The following OR7E24 variants were observed in gnomAD, a reference collection of about 807,000 sequenced individuals.
OR7E24 encodes the protein olfactory receptor family 7 subfamily E member 24.
For synonymous variants in OR7E24, 130 were observed against 157.5 expected (o/e 0.83, Z 1.31); for missense variants, 385 against 410.3 (o/e 0.94, Z 0.53).
At chr19:9,247,222 A>G (rs2066132911), upstream of OR7E24, 2 of 357,762 alleles carry the variant, frequency 5.6e-6, no homozygotes, top group Non-Finnish European at 1.0e-5. Context: ...CTCTGTTAAT[A>G]TGGGGCAGTC....
the OR7E24 span, chr19:9,214,263 G>T: frequency 2.5e-6 from 4 of 1,614,160 alleles, no homozygotes; most frequent in Non-Finnish European, 1.7e-6. Context: ...ATTGAGGAGG[G>T]TGTTAGAGCA....
the OR7E24 span, among the ~76,000 whole-genome samples, chr19:9,234,031 G>A: frequency 4.6e-5 from 7 of 151,864 alleles, no homozygotes; most frequent in African/African-American, 1.7e-4. Context: ...AGCCTCCCAA[G>A]TAGCTGGGAC....
the OR7E24 span, among the ~76,000 whole-genome samples, chr19:9,216,285 G>A: frequency 6.6e-6 from 1 of 152,146 alleles, no homozygotes; most frequent in Non-Finnish European, 1.5e-5. Context: ...CCTGGTTCAT[G>A]TTCTTCTGAT....
At chr19:9,214,370 G>A in the OR7E24 span, 33 of 1,614,090 alleles carry the variant, frequency 2.0e-5, no homozygotes, top group Non-Finnish European at 2.8e-5. Context: ...TATGAACCAG[G>A]GAGAACCAGA....
the OR7E24 span, among the ~76,000 whole-genome samples, chr19:9,218,910 A>G: frequency 6.6e-6 from 1 of 152,118 alleles, no homozygotes; most frequent in Non-Finnish European, 1.5e-5. Flanking sequence ...CTGGGATTAT[A>G]GATGTGAGCC....
At chr19:9,216,743 C>G in the OR7E24 span, among the ~76,000 whole-genome samples, 6 of 152,188 alleles carry the variant, frequency 3.9e-5, no homozygotes, top group Non-Finnish European at 7.4e-5. Context: ...AGGCATGCAC[C>G]ACCATGCCCA....
chr19:9,235,556 C>T, the OR7E24 span: 218 of 1,555,890 alleles, frequency 1.4e-4, no homozygotes, highest in Middle Eastern at 1.7e-4. Flanking sequence ...ATCATAAACC[C>T]CCATCTCTGT....
the OR7E24 span, among the ~76,000 whole-genome samples, chr19:9,218,062 T>C: frequency 6.6e-6 from 1 of 152,242 alleles, no homozygotes; most frequent in Admixed American, 6.5e-5. Flanking sequence ...GGTCAACTTA[T>C]ATTTAGTTTT....
chr19:9,245,495 T>C (rs1200434970), upstream of OR7E24, among the ~76,000 whole-genome samples: 1 of 152,136 alleles, frequency 6.6e-6, no homozygotes, highest in East Asian at 1.9e-4. Flanking sequence ...CATATGATGG[T>C]TCCTCATAAA....
the OR7E24 span, among the ~76,000 whole-genome samples, chr19:9,224,949 A>G: frequency 6.6e-6 from 1 of 152,180 alleles, no homozygotes; most frequent in East Asian, 1.9e-4. Flanking sequence ...CTTTCTCTCA[A>G]TTTTCACAAT....
At chr19:9,212,046 G>A in the OR7E24 span, 1 of 151,960 alleles carries the variant, frequency 6.6e-6, no homozygotes, top group Non-Finnish European at 1.5e-5. Flanking sequence ...CTTTAAAAAT[G>A]TTTTAAAACA....
At chr19:9,212,473 A>C in the OR7E24 span, 40 of 152,302 alleles carry the variant, frequency 2.6e-4, 2 homozygotes, top group African/African-American at 9.1e-4. Context: ...ATACCATCAA[A>C]ATGATAATAT....
upstream of OR7E24, among the ~76,000 whole-genome samples, chr19:9,249,549 G>A (rs577757118): frequency 1.3e-5 from 2 of 152,292 alleles, no homozygotes; most frequent in South Asian, 4.1e-4. Context: ...TAAAAAAAGA[G>A]AAAAGGATGC....
chr19:9,245,752 A>G (rs143328250), upstream of OR7E24, among the ~76,000 whole-genome samples: 2 of 152,322 alleles, frequency 1.3e-5, no homozygotes, highest in Non-Finnish European at 2.9e-5. Flanking sequence ...ATCTATTCCT[A>G]TACATTAGTT....
chr19:9,224,719 C>T, the OR7E24 span, among the ~76,000 whole-genome samples: 6 of 151,562 alleles, frequency 4.0e-5, no homozygotes, highest in Non-Finnish European at 8.8e-5. Context: ...GAGCCAGAAT[C>T]GTGCCACTGC....
At chr19:9,208,837 A>C in the OR7E24 span, 3 of 152,004 alleles carry the variant, frequency 2.0e-5, no homozygotes, top group Admixed American at 1.3e-4. Context: ...GACTACAGGC[A>C]CACACCACCA....
the OR7E24 span, chr19:9,212,910 G>A: frequency 1.3e-5 from 2 of 152,118 alleles, no homozygotes; most frequent in Non-Finnish European, 2.9e-5. Context: ...GAGCCACTGT[G>A]CCCCGAAAAT....
the OR7E24 span, among the ~76,000 whole-genome samples, chr19:9,215,082 C>T: frequency 5.3e-5 from 8 of 152,084 alleles, no homozygotes; most frequent in Admixed American, 1.3e-4. Context: ...TGGTGGCTCA[C>T]GCCTGTAATC....
chr19:9,251,262 CCA>C lies in OR7E24; in HGVS notation c.211_212del (p.Thr71ProfsTer13). On this transcript the variant is annotated frameshift_variant, in exon 2 of 2. Transcript: ENST00000641946. LOFTEE classifies it low-confidence loss of function (END_TRUNC). ...TGGCTGTCAGCTCTGACTCCCACCT[CCA>C]CACCCCCATGTACTTCTTCCTCTCC... 1 of 1,614,012 alleles carries C rather than the reference CCA, an allele frequency of 6.2e-7. No individual in the cohort carries two copies. The highest frequency in any genetic ancestry group is 8.5e-7 in the Non-Finnish European group (1 of 1,179,964).
Sources: allele counts gnomAD v4.1 joint callset (sites outside exome capture counted in the v4.1 genomes callset), GRCh38; gene constraint gnomAD v4.1.1; transcripts MANE v1.5; gene names NCBI Gene and HGNC (gene_info 2026-07-23, HGNC 2026-07-21).